Variants in EML6 observed in about 807,000 individuals in gnomAD.
The protein encoded by EML6 is EMAP like 6.
Under a neutral mutation model 240.1 loss-of-function variants are expected in EML6, and 154 were observed. That is an observed-to-expected ratio of 0.64 (90% CI 0.56 to 0.73). The LOEUF is 0.73. Ranked by LOEUF, EML6 falls within the 30% of genes least tolerant of loss-of-function variation. The pLI, the probability that EML6 is intolerant of heterozygous loss-of-function variation, is 0.00. For missense variants in EML6, 2,964 were observed against 2,474.6 expected (o/e 1.20, Z -4.20); for synonymous variants, 1,148 against 899.0 (o/e 1.28, Z -4.95).
Position 54,785,237 on chromosome 2 carries a change from G to A in EML6, c.198-27995G>A, listed in dbSNP as rs151084769. On this transcript the variant is annotated intron_variant, in intron 2 of 41. Transcript: ENST00000356458. ...GTTGCCCAGACTGGAGTGCAGTGGC[G>A]CAATCTCGGCTCACCACAACGTCTG... 3.5e-4 allele frequency among the ~76,000 whole-genome samples: 51 copies of A among 144,274 alleles called. 1 individual carries two copies. The East Asian group carries it at 6.5e-3, about 18-fold the overall frequency. 94.6% of individuals were successfully genotyped at this position (144,274 alleles called of 152,430 possible).
chr2:54,837,599 C>A (rs548485363), intron 7 of EML6, among the ~76,000 whole-genome samples: 1 of 152,166 alleles, frequency 6.6e-6, no homozygotes, highest in Non-Finnish European at 1.5e-5. Flanking sequence ...TTGGGCTTTC[C>A]GATCCAGTGG....
intron 22 of EML6, among the ~76,000 whole-genome samples, chr2:54,901,082 G>C (rs1257558784): frequency 6.6e-6 from 1 of 152,212 alleles, no homozygotes; most frequent in African/African-American, 2.4e-5. Flanking sequence ...TAATATGGCT[G>C]AGCCAACAAC....
chr2:54,887,997 C>G (rs60808665), intron 17 of EML6, among the ~76,000 whole-genome samples: 3 of 152,178 alleles, frequency 2.0e-5, no homozygotes, highest in Admixed American at 1.3e-4. Context: ...TGTATATTGA[C>G]ACATATTTTT....
At chr2:54,728,547 T>C (rs558406023) in intron 2 of EML6, among the ~76,000 whole-genome samples, 2 of 152,346 alleles carry the variant, frequency 1.3e-5, no homozygotes, top group Non-Finnish European at 2.9e-5. Context: ...CTCTGCCATT[T>C]ACCGGGGGTA....
At chr2:54,728,938 TC>T (rs1330237596) in intron 2 of EML6, among the ~76,000 whole-genome samples, 1 of 152,206 alleles carries the variant, frequency 6.6e-6, no homozygotes, top group Non-Finnish European at 1.5e-5. Context: ...TGATTCATCT[TC>T]CCCGCTGGCC....
At chr2:54,898,592 ATCT>A (rs999655522) in intron 21 of EML6, among the ~76,000 whole-genome samples, 25 of 152,186 alleles carry the variant, frequency 1.6e-4, no homozygotes, top group African/African-American at 5.5e-4. Context: ...GGAACTTTAC[ATCT>A]TCTGCCAAAT....
chr2:54,946,591 A>AGAAG (rs1675704942), intron 28 of EML6, among the ~76,000 whole-genome samples: 1 of 152,162 alleles, frequency 6.6e-6, no homozygotes, highest in Non-Finnish European at 1.5e-5. Context: ...TGTTATGAAC[A>AGAAG]CTGTTTATAG....
chr2:54,905,145 A>T (rs1673254087), intron 24 of EML6, among the ~76,000 whole-genome samples: 1 of 152,136 alleles, frequency 6.6e-6, no homozygotes, highest in South Asian at 2.1e-4. Context: ...ATTTATGACC[A>T]GGCAGGGCAC....
intron 17 of EML6, among the ~76,000 whole-genome samples, chr2:54,887,288 G>T (rs1672200576): frequency 6.6e-6 from 1 of 152,136 alleles, no homozygotes; most frequent in Admixed American, 6.5e-5. Flanking sequence ...GGTTCAAAGT[G>T]GCAATTTTCT....
intron 7 of EML6, among the ~76,000 whole-genome samples, chr2:54,829,869 T>C (rs1338404371): frequency 6.6e-6 from 1 of 152,206 alleles, no homozygotes; most frequent in Non-Finnish European, 1.5e-5. Context: ...TAGATAATTA[T>C]AGTAGTAGGG....
chr2:54,761,927 TA>T (rs1213187128), intron 2 of EML6, among the ~76,000 whole-genome samples: 1 of 152,108 alleles, frequency 6.6e-6, no homozygotes, highest in African/African-American at 2.4e-5. Context: ...CTAAAACATG[TA>T]ATTTTAAGAA....
chr2:54,854,426 G>C lies in EML6; in HGVS notation c.1657+571G>C, dbSNP rs117224397. On this transcript the variant is annotated intron_variant, in intron 11 of 41. Coordinates refer to ENST00000356458, the MANE Select transcript of EML6 (RefSeq NM_001039753.4). Reference sequence around the variant, plus strand: ...GTTTTGTTAAAATTGTTTGACTTCAGTTATGTGGCACACTCAAGCGTTGTA... The same window carrying C: ...GTTTTGTTAAAATTGTTTGACTTCACTTATGTGGCACACTCAAGCGTTGTA... 1.6e-4 allele frequency among the ~76,000 whole-genome samples: 25 copies of C among 152,290 alleles called. No individual in the cohort carries two copies. The East Asian group carries it at 3.9e-3, about 23-fold the overall frequency.
chr2:54,759,978 T>C (rs1667907004), intron 2 of EML6, among the ~76,000 whole-genome samples: 1 of 151,424 alleles, frequency 6.6e-6, no homozygotes, highest in Non-Finnish European at 1.5e-5. Context: ...ATCAGCAGGA[T>C]CATTATACAC....
chr2:54,930,576 T>A (rs1265069150), intron 28 of EML6, among the ~76,000 whole-genome samples: 2 of 152,170 alleles, frequency 1.3e-5, no homozygotes, highest in African/African-American at 2.4e-5. Context: ...GGGTAGGCAG[T>A]TCAGTAGTTT....
intron 6 of EML6, among the ~76,000 whole-genome samples, chr2:54,828,353 T>C (rs1668700140): frequency 6.6e-6 from 1 of 152,196 alleles, no homozygotes; most frequent in Non-Finnish European, 1.5e-5. Context: ...TCTGCTCTCT[T>C]TTTTGACACA....
chr2:54,788,052 G>A (rs1346808608), intron 2 of EML6, among the ~76,000 whole-genome samples: 1 of 152,122 alleles, frequency 6.6e-6, no homozygotes, highest in East Asian at 1.9e-4. Flanking sequence ...TCAGAGTCAG[G>A]TAAATTAGAC....
At chr2:54,803,798 AT>A (rs1558563090) in intron 2 of EML6, among the ~76,000 whole-genome samples, 1 of 152,160 alleles carries the variant, frequency 6.6e-6, no homozygotes, top group African/African-American at 2.4e-5. Flanking sequence ...AACAATTGAA[AT>A]TCTCCTCCTC....
At chr2:54,823,850 T>TTCTC (rs147852134) in intron 5 of EML6, among the ~76,000 whole-genome samples, 43 of 72,280 alleles carry the variant, frequency 5.9e-4, no homozygotes, top group African/African-American at 1.6e-3. Flanking sequence ...CATTCATTCA[T>TTCTC]TCTCTCTCTC....
Position 54,892,525 on chromosome 2 carries a change from T to C in EML6, c.2611T>C (p.Tyr871His). 1.3e-6 allele frequency: 2 copies of C among 1,551,490 alleles called. No individual in the cohort carries two copies. The highest frequency in any genetic ancestry group is 1.7e-6 in the Non-Finnish European group (2 of 1,146,768). The change falls in exon 19 of 42, where the codon TAC becomes CAC. Residue 871 changes from tyrosine (Y) to histidine (H), a missense_variant. By Grantham distance (83) the Tyr-to-His change is moderately conservative. Transcript: ENST00000356458. ...GKLETMMCVS[Y>H]GRMEDLVFSG... ...ATTGGAAACAATGATGTGTGTTTCT[T>C]ACGGACGAATGGAAGATCTAGTGTT...
Sources: gnomAD v4.1 joint callset for allele counts (sites outside exome capture counted in the v4.1 genomes callset) on GRCh38, gnomAD v4.1.1 for gene constraint, MANE v1.5 for transcripts, NCBI Gene and HGNC (gene_info 2026-07-23, HGNC 2026-07-21) for gene names.